The following GALNT17 variants were observed in gnomAD, a reference collection of about 807,000 sequenced individuals.
GALNT17 encodes UDP-GalNAc:polypeptide N-acetylgalactosaminyltransferase-like 3.
GALNT17 carries 29 observed loss-of-function variants against 63.7 expected under a neutral mutation model. The ratio of observed to expected loss-of-function variants is 0.46; its 90% CI spans 0.34 to 0.62. The LOEUF (loss-of-function observed/expected upper bound fraction) is 0.62. GALNT17 is among the 20% of genes least tolerant of loss of function. The probability of loss-of-function intolerance (pLI) is 0.01; values close to 1 mark genes in which losing one functional copy is unlikely to be tolerated. For missense variants in GALNT17, 603 were observed against 799.6 expected, an observed-to-expected ratio of 0.75 and a Z score of 2.97; for synonymous variants, 305 against 318.3, an observed-to-expected ratio of 0.96 and a Z score of 0.45.
intron 1 of GALNT17, among the ~76,000 whole-genome samples, chr7:71,217,244 G>A (rs2116410612): frequency 1.3e-5 from 2 of 151,108 alleles, no homozygotes; most frequent in South Asian, 2.1e-4. Context: ...CAAAGTGCTG[G>A]GATTACAGGC....
At chr7:71,580,416 GA>G (rs1358537310) in intron 6 of GALNT17, among the ~76,000 whole-genome samples, 31 of 146,912 alleles carry the variant, frequency 2.1e-4, no homozygotes, top group African/African-American at 7.1e-4. Flanking sequence ...TAGATAGATA[GA>G]TAGATAGATA....
intron 10 of GALNT17, among the ~76,000 whole-genome samples, chr7:71,711,432 A>G (rs1264820385): frequency 1.3e-5 from 2 of 151,922 alleles, no homozygotes; most frequent in Non-Finnish European, 2.9e-5. Flanking sequence ...GGTGGAATTG[A>G]TTCTCTGCAA....
intron 5 of GALNT17, among the ~76,000 whole-genome samples, chr7:71,528,646 C>T (rs757011170): frequency 5.3e-5 from 8 of 152,276 alleles, no homozygotes; most frequent in East Asian, 1.9e-4. Flanking sequence ...ATGTGGTCTA[C>T]ATCACATTCA....
chr7:71,170,610 A>G (rs1044111366), intron 1 of GALNT17, among the ~76,000 whole-genome samples: 3 of 152,184 alleles, frequency 2.0e-5, no homozygotes, highest in African/African-American at 7.2e-5. Flanking sequence ...TGCTGGGATT[A>G]CAGGCATGAG....
At chr7:71,249,344 C>T (rs1049748169) in intron 1 of GALNT17, among the ~76,000 whole-genome samples, 1 of 152,012 alleles carries the variant, frequency 6.6e-6, no homozygotes, top group Admixed American at 6.6e-5. Context: ...TGTCAGTGGT[C>T]CCCCCATTTT....
At chr7:71,699,382 A>G (rs981200894) in intron 9 of GALNT17, among the ~76,000 whole-genome samples, 7 of 151,088 alleles carry the variant, frequency 4.6e-5, no homozygotes, top group East Asian at 2.0e-4. Context: ...AGTCTGAGGC[A>G]GGAGAATCGC....
chr7:71,234,576 C>T (rs957516245), intron 1 of GALNT17, among the ~76,000 whole-genome samples: 1 of 152,052 alleles, frequency 6.6e-6, no homozygotes, highest in East Asian at 1.9e-4. Context: ...TTGCATTTAA[C>T]CTTGAAGTAC....
intron 6 of GALNT17, among the ~76,000 whole-genome samples, chr7:71,580,623 G>T (rs143828779): frequency 2.6e-5 from 4 of 152,264 alleles, no homozygotes; most frequent in Admixed American, 6.5e-5. Flanking sequence ...GACCTATATG[G>T]TTGTGACAGT....
At chr7:71,417,110 G>A (rs1422248377) in intron 4 of GALNT17, among the ~76,000 whole-genome samples, 1 of 152,212 alleles carries the variant, frequency 6.6e-6, no homozygotes, top group African/African-American at 2.4e-5. Flanking sequence ...GTAAGAAGCA[G>A]AGTCTTGTAT....
chr7:71,358,816 C>G (rs1792341584), intron 2 of GALNT17, among the ~76,000 whole-genome samples: 1 of 151,498 alleles, frequency 6.6e-6, no homozygotes, highest in African/African-American at 2.4e-5. Flanking sequence ...TCTTGTTGCC[C>G]AGGCTGGAGT....
intron 1 of GALNT17, among the ~76,000 whole-genome samples, chr7:71,136,166 G>T (rs1481784529): frequency 6.6e-6 from 1 of 152,162 alleles, no homozygotes; most frequent in Non-Finnish European, 1.5e-5. Flanking sequence ...CCCTCCGCCT[G>T]CTGCAGTGGG....
chr7:71,421,671 C>T (rs543708918), intron 5 of GALNT17, among the ~76,000 whole-genome samples: 6 of 152,144 alleles, frequency 3.9e-5, no homozygotes, highest in South Asian at 4.2e-4. Flanking sequence ...AGGTTGAGGC[C>T]GGGCCTGGTA....
chr7:71,496,134 C>T (rs1437298040), intron 5 of GALNT17, among the ~76,000 whole-genome samples: 1 of 152,116 alleles, frequency 6.6e-6, no homozygotes, highest in Non-Finnish European at 1.5e-5. Context: ...AGAACAGCCC[C>T]AATGTACTAT....
At chr7:71,682,453 C>T (rs1245429093) in intron 9 of GALNT17, among the ~76,000 whole-genome samples, 1 of 152,178 alleles carries the variant, frequency 6.6e-6, no homozygotes, top group African/African-American at 2.4e-5. Flanking sequence ...TATAGCCCCT[C>T]CCTCAAGCTT....
At chr7:71,322,929 C>G (rs934200540) in intron 1 of GALNT17, among the ~76,000 whole-genome samples, 11 of 152,090 alleles carry the variant, frequency 7.2e-5, no homozygotes, top group Non-Finnish European at 4.4e-5. Flanking sequence ...GCCTCTCCAT[C>G]TATGGCATTT....
intron 6 of GALNT17, among the ~76,000 whole-genome samples, chr7:71,574,036 A>G (rs1224283552): frequency 1.3e-5 from 2 of 152,332 alleles, no homozygotes; most frequent in African/African-American, 4.8e-5. Flanking sequence ...TACATGTACA[A>G]CACTCTCTTT....
chr7:71,670,449 G>T (rs1327998476), intron 8 of GALNT17, among the ~76,000 whole-genome samples: 1 of 152,170 alleles, frequency 6.6e-6, no homozygotes, highest in Non-Finnish European at 1.5e-5. Context: ...AGGCAGGAGG[G>T]TTGGAGTCCT....
At chr7:71,527,016 C>T (rs1464692440) in intron 5 of GALNT17, among the ~76,000 whole-genome samples, 4 of 152,206 alleles carry the variant, frequency 2.6e-5, no homozygotes, top group Non-Finnish European at 4.4e-5. Context: ...TTTCACCAGT[C>T]TCTGAGCTCT....
intron 1 of GALNT17, among the ~76,000 whole-genome samples, chr7:71,167,127 T>C (rs1788456859): frequency 6.6e-6 from 1 of 150,642 alleles, no homozygotes; most frequent in Non-Finnish European, 1.5e-5. Flanking sequence ...CCTCAAGTGA[T>C]TACCTCTCCT....
Sources: allele counts gnomAD v4.1 joint callset (sites outside exome capture counted in the v4.1 genomes callset), GRCh38; gene constraint gnomAD v4.1.1; transcripts MANE v1.5; gene names NCBI Gene and HGNC (gene_info 2026-07-23, HGNC 2026-07-21).